Variants in TEAD1 observed in about 807,000 individuals in gnomAD.
TEAD1 encodes the protein transcriptional enhancer factor TEF-1.
Under a neutral mutation model 54.9 loss-of-function variants are expected in TEAD1, and 9 were observed. The ratio of observed to expected loss-of-function variants is 0.16; its 90% CI spans 0.10 to 0.29. The LOEUF (loss-of-function observed/expected upper bound fraction) is 0.29, where lower values mean the gene tolerates loss of function less well. Among genes scored for constraint, TEAD1 ranks in the 10% least tolerant of loss-of-function variants. TEAD1 has a pLI of 1.00. For synonymous variants in TEAD1, 200 were observed against 187.8 expected, an observed-to-expected ratio of 1.07 and a Z score of -0.53; for missense variants, 387 against 535.9, an observed-to-expected ratio of 0.72 and a Z score of 2.74.
intron 3 of TEAD1, among the ~76,000 whole-genome samples, chr11:12,790,761 A>G (rs758562156): frequency 9.9e-5 from 15 of 152,222 alleles, no homozygotes; most frequent in Non-Finnish European, 1.8e-4. Context: ...GAAGCACATG[A>G]AAAGATACTT....
In TEAD1 at chr11:12,927,435, T is replaced by A. The variant is rs955107920; in HGVS notation, c.1014+2383T>A. Among the ~76,000 whole-genome samples the A allele has an allele frequency of 5.9e-5, 9 of 152,332 alleles. No individual in the cohort carries two copies. In the South Asian group the frequency reaches 1.9e-3, roughly 32 times the overall value. On this transcript the variant is annotated intron_variant, in intron 11 of 12. Transcript: ENST00000527636. ...TCTACGTATCCCAGTACCATGTGGATTTGATTACAGTGGCTTTATAGTATA... is the reference window on the plus strand; with the variant it reads ...TCTACGTATCCCAGTACCATGTGGAATTGATTACAGTGGCTTTATAGTATA...
intron 3 of TEAD1, among the ~76,000 whole-genome samples, chr11:12,813,577 A>G (rs1297571432): frequency 1.3e-5 from 2 of 152,180 alleles, no homozygotes; most frequent in Non-Finnish European, 2.9e-5. Context: ...CCATTTCTGG[A>G]AATATGAGGA....
At chr11:12,768,469 C>T (rs559084249) in intron 3 of TEAD1, among the ~76,000 whole-genome samples, 1 of 152,340 alleles carries the variant, frequency 6.6e-6, no homozygotes, top group South Asian at 2.1e-4. Context: ...GTCTAATGCT[C>T]TTAACAATGC....
intron 5 of TEAD1, chr11:12,865,120 CGTGT>C (rs1002171582): frequency 2.2e-5 from 13 of 601,616 alleles, no homozygotes; most frequent in Middle Eastern, 4.3e-4. Flanking sequence ...TGTGTGTGTG[CGTGT>C]GTATGTGTGT....
chr11:12,680,791 C>A (rs930984849), intron 2 of TEAD1, among the ~76,000 whole-genome samples: 1 of 152,170 alleles, frequency 6.6e-6, no homozygotes, highest in African/African-American at 2.4e-5. Context: ...CACATGCCGC[C>A]GCTGCTGGGT....
chr11:12,750,417 G>A (rs554270431), intron 2 of TEAD1, among the ~76,000 whole-genome samples: 2 of 152,300 alleles, frequency 1.3e-5, no homozygotes, highest in East Asian at 1.9e-4. Flanking sequence ...GAAGGGAGAC[G>A]TCACATTGTA....
chr11:12,786,146 C>G (rs1006575287), intron 3 of TEAD1, among the ~76,000 whole-genome samples: 2 of 152,124 alleles, frequency 1.3e-5, no homozygotes, highest in African/African-American at 4.8e-5. Flanking sequence ...TGGGAGGGGA[C>G]ATGAGCAGCT....
At chr11:12,682,970 G>A (rs534902703) in intron 2 of TEAD1, among the ~76,000 whole-genome samples, 2 of 152,210 alleles carry the variant, frequency 1.3e-5, no homozygotes, top group East Asian at 3.9e-4. Flanking sequence ...GATGTTGCAT[G>A]CGCTCACCAA....
At chr11:12,778,461 A>C (rs2133944806) in intron 3 of TEAD1, among the ~76,000 whole-genome samples, 1 of 151,790 alleles carries the variant, frequency 6.6e-6, no homozygotes. Context: ...AGGCAGAGCT[A>C]ATTTTTCCCT....
At chr11:12,779,029 T>C (rs1945490315) in intron 3 of TEAD1, among the ~76,000 whole-genome samples, 1 of 152,228 alleles carries the variant, frequency 6.6e-6, no homozygotes, top group Non-Finnish European at 1.5e-5. Flanking sequence ...GAAAAGTTAG[T>C]CTTTGACCAT....
At chr11:12,913,549 C>T (rs1948655842) in intron 10 of TEAD1, among the ~76,000 whole-genome samples, 1 of 152,032 alleles carries the variant, frequency 6.6e-6, no homozygotes, top group African/African-American at 2.4e-5. Flanking sequence ...ACATATGATG[C>T]CTTTTACAGC....
chr11:12,739,623 A>G (rs1231643907), intron 2 of TEAD1, among the ~76,000 whole-genome samples: 1 of 152,184 alleles, frequency 6.6e-6, no homozygotes, highest in Non-Finnish European at 1.5e-5. Context: ...CTTCCTTTTC[A>G]AGGCTGGATA....
chr11:12,748,910 A>G (rs1408740370), intron 2 of TEAD1, among the ~76,000 whole-genome samples: 2 of 151,950 alleles, frequency 1.3e-5, no homozygotes, highest in African/African-American at 4.8e-5. Context: ...GATCATTTAG[A>G]TCAGGAGGGG....
intron 3 of TEAD1, among the ~76,000 whole-genome samples, chr11:12,780,242 A>ATTT (rs200775672): frequency 4.3e-5 from 6 of 140,466 alleles, no homozygotes; most frequent in African/African-American, 1.3e-4. Context: ...TCAATTGTAA[A>ATTT]TTTTTTTTTT....
intron 12 of TEAD1, 47 bp downstream of exon 12, chr11:12,930,373 C>T: frequency 6.2e-7 from 1 of 1,611,818 alleles, no homozygotes; most frequent in Non-Finnish European, 8.5e-7. Flanking sequence ...TGCCATGAGG[C>T]TTGACAGAAG....
intron 3 of TEAD1, among the ~76,000 whole-genome samples, chr11:12,845,668 G>A (rs1330381378): frequency 6.6e-6 from 1 of 152,200 alleles, no homozygotes; most frequent in Admixed American, 6.5e-5. Context: ...CCGTACTGTT[G>A]TTGTAAAACA....
At chr11:12,743,533 C>A (rs1944687350) in intron 2 of TEAD1, among the ~76,000 whole-genome samples, 1 of 152,134 alleles carries the variant, frequency 6.6e-6, no homozygotes, top group African/African-American at 2.4e-5. Context: ...CATCTTTGTC[C>A]AGCCCATCTC....
intron 2 of TEAD1, among the ~76,000 whole-genome samples, chr11:12,757,823 A>G (rs988839541): frequency 6.6e-6 from 1 of 152,166 alleles, no homozygotes; most frequent in Non-Finnish European, 1.5e-5. Context: ...TCTGTCACTC[A>G]GACTGGAGTG....
intron 6 of TEAD1, among the ~76,000 whole-genome samples, chr11:12,880,131 A>T (rs889604909): frequency 1.3e-5 from 2 of 152,328 alleles, no homozygotes; most frequent in South Asian, 2.1e-4. Context: ...GAGTCCCTGA[A>T]GACATGGAAT....
Sources: gnomAD v4.1 joint callset for allele counts (sites outside exome capture counted in the v4.1 genomes callset) on GRCh38, gnomAD v4.1.1 for gene constraint, MANE v1.5 for transcripts, NCBI Gene and HGNC (gene_info 2026-07-23, HGNC 2026-07-21) for gene names.